Variants in DDX42 observed in about 807,000 individuals in gnomAD.
The protein encoded by DDX42 is ATP-dependent RNA helicase DDX42.
Under a neutral mutation model 101.5 loss-of-function variants are expected in DDX42, and 22 were observed. The observed-to-expected ratio is 0.22, with a 90% confidence interval of 0.15 to 0.31. The LOEUF (loss-of-function observed/expected upper bound fraction) is 0.31, where lower values mean the gene tolerates loss of function less well. Ranked by LOEUF, DDX42 falls within the 10% of genes least tolerant of loss-of-function variation. The probability of loss-of-function intolerance (pLI) is 1.00; values close to 1 mark genes in which losing one functional copy is unlikely to be tolerated. For synonymous variants in DDX42, 402 were observed against 401.2 expected, an observed-to-expected ratio of 1.00 and a Z score of -0.02; for missense variants, 849 against 1,199.9, an observed-to-expected ratio of 0.71 and a Z score of 4.32.
intron 2 of DDX42, among the ~76,000 whole-genome samples, chr17:63,790,555 G>A (rs1487960619): frequency 6.6e-6 from 1 of 152,172 alleles, no homozygotes; most frequent in Non-Finnish European, 1.5e-5. Context: ...GAAGTCAGGA[G>A]TTAGAGACCA....
chr17:63,787,377 C>G (rs2039559652), intron 2 of DDX42, 107 bp downstream of exon 2: 3 of 1,134,512 alleles, frequency 2.6e-6, no homozygotes, highest in Non-Finnish European at 3.7e-6. Flanking sequence ...ATAATGAATT[C>G]TTAAATTATG....
At position 63,807,505 on chromosome 17, in the gene DDX42, T is replaced by C. The variant is rs571267930; in HGVS notation, c.847-219T>C. Among the ~76,000 whole-genome samples the C allele has an allele frequency of 1.6e-4, 25 of 152,346 alleles. 1 individual carries two copies. Among genetic ancestry groups the C allele is most frequent in the Admixed American group, 1.1e-3 (17 of 15,294 alleles). On this transcript the variant is annotated intron_variant, in intron 8 of 17. Transcript: ENST00000389924. ...TCTGTTCTGTAAGTGGTGGCTGATA[T>C]CCACGTAATGAGAATGATGTCATTT...
At chr17:63,783,578 T>A (rs1399231252) in intron 1 of DDX42, among the ~76,000 whole-genome samples, 1 of 152,174 alleles carries the variant, frequency 6.6e-6, no homozygotes, top group Non-Finnish European at 1.5e-5. Flanking sequence ...ATTACGTTGA[T>A]TCCTTGATTG....
At chr17:63,787,708 C>T (rs2039563888) in intron 2 of DDX42, among the ~76,000 whole-genome samples, 1 of 150,344 alleles carries the variant, frequency 6.7e-6, no homozygotes, top group South Asian at 2.3e-4. Context: ...CGTGGTGGTG[C>T]ACGCCTATAA....
At chr17:63,790,059 G>C (rs1426240489) in intron 2 of DDX42, among the ~76,000 whole-genome samples, 1 of 152,094 alleles carries the variant, frequency 6.6e-6, no homozygotes, top group Non-Finnish European at 1.5e-5. Flanking sequence ...GAGGTGGAAA[G>C]ACTGCTTGAG....
At chr17:63,781,097 C>G (rs888202650) in intron 1 of DDX42, among the ~76,000 whole-genome samples, 5 of 152,172 alleles carry the variant, frequency 3.3e-5, no homozygotes, top group African/African-American at 1.2e-4. Context: ...CTCCTCTTGA[C>G]CTAGTCTTCA....
chr17:63,811,325 G>A (rs2039907850), intron 13 of DDX42, 152 bp downstream of exon 13: 1 of 579,488 alleles, frequency 1.7e-6, no homozygotes, highest in East Asian at 3.1e-5. Context: ...AAGTTGTGGG[G>A]ATAGACGTAA....
At chr17:63,786,639 G>T (rs1015595750) in intron 1 of DDX42, among the ~76,000 whole-genome samples, 1 of 152,014 alleles carries the variant, frequency 6.6e-6, no homozygotes, top group Non-Finnish European at 1.5e-5. Flanking sequence ...AAAATTTTAG[G>T]TGGAGGTTGG....
In DDX42 at chr17:63,810,545, C is replaced by A; in HGVS notation, c.1285C>A (p.Arg429Ser). 1 of 1,613,982 alleles carries A rather than the reference C, an allele frequency of 6.2e-7. No individual in the cohort carries two copies. Among genetic ancestry groups the A allele is most frequent in the South Asian group, 1.1e-5 (1 of 91,062 alleles). The change falls in exon 12 of 18, where the codon CGT becomes AGT. Residue 429 changes from arginine (R) to serine (S), a missense_variant. Physicochemically the swap from Arg to Ser is moderately radical, Grantham distance 110. Around this residue, in one of 5 missense-constraint regions of DDX42, gnomAD observed 370 missense variants for 608.8 expected, o/e 0.61. Coordinates refer to ENST00000389924, the MANE Select transcript of DDX42 (RefSeq NM_203499.3). ...AGTTCGATCCATAGCAAGTCATGTT[C>A]GTCCTGACAGGCAGAGTATGTATGA... is the stretch of plus-strand genomic sequence containing the variant. ...YQVRSIASHV[R>S]PDRQTLLFSA... is the part of the protein sequence containing the mutation.
chr17:63,782,148 C>T (rs1005861328), intron 1 of DDX42, among the ~76,000 whole-genome samples: 27 of 149,976 alleles, frequency 1.8e-4, no homozygotes, highest in Admixed American at 1.2e-3. Context: ...CACGGTGGTG[C>T]GTGCTTGTAA....
chr17:63,810,401 A>C (rs2039895581), intron 11 of DDX42, 112 bp from the exon 12 acceptor site: 2 of 1,147,944 alleles, frequency 1.7e-6, no homozygotes, highest in Non-Finnish European at 2.5e-6. Context: ...TGGGGTTTCT[A>C]ATTTTCTTAA....
intron 5 of DDX42, 104 bp downstream of exon 5, chr17:63,799,729 C>CCCTGCTG: frequency 8.7e-7 from 1 of 1,154,722 alleles, no homozygotes; most frequent in Non-Finnish European, 1.2e-6. Flanking sequence ...TCCTGACATT[C>CCCTGCTG]AGCAGGGAAT....
At chr17:63,809,141 C>G (rs1252755022) in intron 10 of DDX42, among the ~76,000 whole-genome samples, 193 bp downstream of exon 10, 1 of 152,140 alleles carries the variant, frequency 6.6e-6, no homozygotes, top group African/African-American at 2.4e-5. Context: ...GACATATAGG[C>G]TAGTAGCTAC....
chr17:63,778,308 A>C (rs7209321), intron 1 of DDX42, among the ~76,000 whole-genome samples: 106,137 of 151,690 alleles, frequency 0.7, 38,563 homozygotes, highest in African/African-American at 0.92. Context: ...ATGTACATCC[A>C]CATTACTTTT....
chr17:63,818,077 A>G lies in DDX42; in HGVS notation c.2496A>G (p.Pro832=), dbSNP rs1174067409. ...CTGGCAATCGGCATAGCGATAGTCC[A>G]CGTCACGGAGATGGTGGTCGCCATG... The part of the protein sequence containing the change: ...GETGNRHSDS[P]RHGDGGRHGD... Residue 832 remains proline, a synonymous_variant, in exon 18 of 18, where the codon CCA becomes CCG. Coordinates refer to ENST00000389924, the MANE Select transcript of DDX42 (RefSeq NM_203499.3). The G allele has an allele frequency of 2.5e-6, 4 of 1,613,938 alleles. No individual in the cohort carries two copies. The African/African-American group carries it at 5.3e-5, about 22-fold the overall frequency.
At chr17:63,817,317 G>A (rs567052159) in intron 17 of DDX42, 35 of 337,874 alleles carry the variant, frequency 1.0e-4, no homozygotes, top group Middle Eastern at 1.8e-3. Context: ...GTCACACTAA[G>A]GTGAATCGAT....
At chr17:63,811,554 G>A in intron 13 of DDX42, 1 of 373,734 alleles carries the variant, frequency 2.7e-6, no homozygotes, top group South Asian at 3.9e-5. Flanking sequence ...GAGGGAAAGG[G>A]TGACCTGGAA....
intron 13 of DDX42, 91 bp downstream of exon 13, chr17:63,811,264 A>G: frequency 7.9e-6 from 8 of 1,006,674 alleles, no homozygotes; most frequent in Non-Finnish European, 1.0e-5. Flanking sequence ...GAGATAAAAA[A>G]AAAAGATGTT....
chr17:63,779,023 T>C (rs1383399835), intron 1 of DDX42, among the ~76,000 whole-genome samples: 1 of 152,198 alleles, frequency 6.6e-6, no homozygotes, highest in East Asian at 1.9e-4. Context: ...TGGTTATTGG[T>C]CAGTATAAAA....
Sources: allele counts gnomAD v4.1 joint callset (sites outside exome capture counted in the v4.1 genomes callset), GRCh38; gene constraint gnomAD v4.1.1; regional missense constraint gnomAD v4.1.1; transcripts MANE v1.5; gene names NCBI Gene and HGNC (gene_info 2026-07-23, HGNC 2026-07-21).